PPP2R3A: variants seen among roughly 807,000 people sequenced by gnomAD.
The protein encoded by PPP2R3A is protein phosphatase 2 regulatory subunit B''alpha, also known as serine/threonine-protein phosphatase 2A regulatory subunit B'' subunit alpha.
In PPP2R3A, 80 loss-of-function variants were observed where a neutral mutation model predicts 106.9. The observed-to-expected ratio is 0.75, with a 90% CI of 0.62 to 0.90. The LOEUF is 0.90. Ranked by LOEUF, PPP2R3A falls within the 40% of genes least tolerant of loss-of-function variation. The pLI is 0.00. For missense variants in PPP2R3A, 1,386 were observed against 1,350.4 expected (o/e 1.03, Z -0.41); for synonymous variants, 483 against 468.3 (o/e 1.03, Z -0.41).
intron 6 of PPP2R3A, among the ~76,000 whole-genome samples, chr3:136,076,296 C>G (rs1936592696): frequency 6.6e-6 from 1 of 152,146 alleles, no homozygotes; most frequent in Non-Finnish European, 1.5e-5. Flanking sequence ...AATAGCCACT[C>G]AGATCTTGAT....
At chr3:136,136,068 A>T (rs1386206128) in intron 13 of PPP2R3A, among the ~76,000 whole-genome samples, 1,448 of 32,230 alleles carry the variant, frequency 0.045, 110 homozygotes, top group East Asian at 0.085. Flanking sequence ...AAAAAAAAAA[A>T]AAAAATTATA....
chr3:136,139,232 T>C (rs553694653), intron 13 of PPP2R3A, among the ~76,000 whole-genome samples: 1 of 152,296 alleles, frequency 6.6e-6, no homozygotes, highest in Non-Finnish European at 1.5e-5. Context: ...TTCCAACTTT[T>C]ATATTTCCAT....
intron 12 of PPP2R3A, among the ~76,000 whole-genome samples, chr3:136,104,282 A>T (rs1055664717): frequency 1.4e-5 from 2 of 146,998 alleles, no homozygotes; most frequent in Admixed American, 7.1e-5. Flanking sequence ...CCATAATTTT[A>T]TATTTGTTTC....
rs565285082 is a variant in PPP2R3A, at chr3:136,047,862, G to A, written c.2367-1397G>A. 3.2e-4 allele frequency among the ~76,000 whole-genome samples: 48 copies of A among 151,492 alleles called. No homozygotes were observed. The Middle Eastern group carries it at 0.01, about 32-fold the overall frequency. On this transcript the variant is annotated intron_variant, in intron 4 of 13. Coordinates refer to ENST00000264977, the MANE Select transcript of PPP2R3A (RefSeq NM_002718.5). ...AGAGCTTGCAGTGAGCTGAGATTGC[G>A]CCACTGCACTCCAGCGTAGGCAACA...
intron 6 of PPP2R3A, among the ~76,000 whole-genome samples, chr3:136,073,881 T>C (rs1048373138): frequency 7.2e-5 from 11 of 152,208 alleles, no homozygotes; most frequent in African/African-American, 2.7e-4. Context: ...CCTTCTAGTA[T>C]GAAATTAATT....
intron 13 of PPP2R3A, among the ~76,000 whole-genome samples, chr3:136,133,180 A>G (rs955346841): frequency 2.0e-5 from 3 of 152,186 alleles, no homozygotes; most frequent in African/African-American, 7.2e-5. Context: ...TCAAAATTAA[A>G]AACGATTGCT....
chr3:136,136,639 G>A (rs1298785716), intron 13 of PPP2R3A, among the ~76,000 whole-genome samples: 3 of 152,178 alleles, frequency 2.0e-5, no homozygotes, highest in African/African-American at 4.8e-5. Context: ...CTGGCAAACT[G>A]TTACGTAGGA....
intron 13 of PPP2R3A, among the ~76,000 whole-genome samples, chr3:136,110,187 T>C (rs1164901755): frequency 6.6e-6 from 1 of 152,192 alleles, no homozygotes; most frequent in Admixed American, 6.5e-5. Context: ...GAAGCAGCAG[T>C]CTGTTCTCAA....
chr3:135,979,314 G>A (rs1559848861), intron 1 of PPP2R3A, among the ~76,000 whole-genome samples: 1 of 151,578 alleles, frequency 6.6e-6, no homozygotes, highest in Non-Finnish European at 1.5e-5. Context: ...AGGAGGCGGA[G>A]GTTGCGGTGA....
intron 2 of PPP2R3A, among the ~76,000 whole-genome samples, chr3:136,025,522 T>A (rs1934615935): frequency 6.6e-6 from 1 of 152,086 alleles, no homozygotes; most frequent in Non-Finnish European, 1.5e-5. Flanking sequence ...AATAGGAGAT[T>A]TAACCATTTT....
chr3:136,138,167 G>T (rs1427740941), intron 13 of PPP2R3A, among the ~76,000 whole-genome samples: 2 of 152,148 alleles, frequency 1.3e-5, no homozygotes, highest in Non-Finnish European at 2.9e-5. Context: ...CTCTACGTGG[G>T]CCTGAAGTTA....
At chr3:136,000,610 G>C (rs1222698301) in intron 1 of PPP2R3A, among the ~76,000 whole-genome samples, 1 of 152,144 alleles carries the variant, frequency 6.6e-6, no homozygotes, top group Non-Finnish European at 1.5e-5. Flanking sequence ...GAGAAGACTA[G>C]GTTGATGGAA....
intron 13 of PPP2R3A, among the ~76,000 whole-genome samples, chr3:136,136,830 C>T (rs903856931): frequency 6.6e-6 from 1 of 152,194 alleles, no homozygotes; most frequent in Non-Finnish European, 1.5e-5. Flanking sequence ...TCTGTACCTC[C>T]TGATTTCAAG....
At position 136,102,058 on chromosome 3, in the gene PPP2R3A, C is replaced by T; in HGVS notation, c.2979C>T (p.Ser993=). Residue 993 remains serine, a synonymous_variant, in exon 11 of 14, where the codon TCC becomes TCT. Transcript: ENST00000264977. ...ATGTGGATGGAGACGGTGTACTCTCCATGTATGAGCTGGAGTACTTCTATG... is the reference window on the plus strand; with the variant it reads ...ATGTGGATGGAGACGGTGTACTCTCTATGTATGAGCTGGAGTACTTCTATG... ...CMDVDGDGVL[S]MYELEYFYEE... is the part of the protein sequence containing the mutation. The T allele has an allele frequency of 6.2e-7, 1 of 1,613,966 alleles. No individual in the cohort carries two copies. The highest frequency in any genetic ancestry group is 8.5e-7 in the Non-Finnish European group (1 of 1,179,950).
At chr3:136,075,595 A>G (rs1441402111) in intron 6 of PPP2R3A, among the ~76,000 whole-genome samples, 1 of 152,242 alleles carries the variant, frequency 6.6e-6, no homozygotes, top group African/African-American at 2.4e-5. Context: ...CTAACAGTCA[A>G]ACTGTTTGCA....
chr3:136,107,850 T>C (rs1009123490), intron 13 of PPP2R3A, among the ~76,000 whole-genome samples: 5 of 152,172 alleles, frequency 3.3e-5, no homozygotes, highest in African/African-American at 1.2e-4. Context: ...TTTTTTGGCA[T>C]TGAGCTTCCA....
chr3:136,017,836 C>T (rs1934331659), intron 2 of PPP2R3A, among the ~76,000 whole-genome samples: 1 of 152,212 alleles, frequency 6.6e-6, no homozygotes, highest in African/African-American at 2.4e-5. Flanking sequence ...TTTCTGTCAT[C>T]CAGATTTTTA....
chr3:136,093,184 G>A (rs1196388924), intron 10 of PPP2R3A, among the ~76,000 whole-genome samples: 1 of 152,190 alleles, frequency 6.6e-6, no homozygotes, highest in Non-Finnish European at 1.5e-5. Context: ...CAAGGCAGGT[G>A]GATTGCCCAA....
chr3:135,978,952 C>T (rs1034658531), intron 1 of PPP2R3A, among the ~76,000 whole-genome samples: 1 of 151,726 alleles, frequency 6.6e-6, no homozygotes, highest in East Asian at 1.9e-4. Context: ...GCCACAGAAA[C>T]TTTGTAATAC....
Sources: allele counts gnomAD v4.1 joint callset (sites outside exome capture counted in the v4.1 genomes callset), GRCh38; gene constraint gnomAD v4.1.1; transcripts MANE v1.5; gene names NCBI Gene and HGNC (gene_info 2026-07-23, HGNC 2026-07-21).